The following CFAP61 variants were observed in gnomAD, a reference collection of about 807,000 sequenced individuals.
The protein encoded by CFAP61 is cilia and flagella associated protein 61, also known as cilia- and flagella-associated protein 61.
CFAP61 carries 107 observed loss-of-function variants against 135.6 expected under a neutral mutation model. The ratio of observed to expected loss-of-function variants is 0.79; its 90% CI spans 0.67 to 0.93. The LOEUF (loss-of-function observed/expected upper bound fraction) is 0.93. Among genes scored for constraint, CFAP61 ranks in the 40% least tolerant of loss-of-function variants. CFAP61 has a pLI of 0.00. For missense variants in CFAP61, 1,507 were observed against 1,556.2 expected (o/e 0.97, Z 0.53); for synonymous variants, 575 against 578.5 (o/e 0.99, Z 0.09).
At chr20:20,175,763 C>A (rs1350793985) in intron 13 of CFAP61, among the ~76,000 whole-genome samples, 1 of 151,984 alleles carries the variant, frequency 6.6e-6, no homozygotes, top group Non-Finnish European at 1.5e-5. Flanking sequence ...AATCTCCTGA[C>A]CTCATGATCC....
intron 25 of CFAP61, among the ~76,000 whole-genome samples, chr20:20,333,521 A>C (rs6046801): frequency 0.29 from 44,630 of 152,116 alleles, 6,874 homozygotes; most frequent in South Asian, 0.41. Context: ...TTGTTTAGTC[A>C]ACTTGCATCC....
At chr20:20,125,274 G>C (rs551641913) in intron 8 of CFAP61, among the ~76,000 whole-genome samples, 1 of 151,506 alleles carries the variant, frequency 6.6e-6, no homozygotes, top group Non-Finnish European at 1.5e-5. Context: ...GGTTTGGTTT[G>C]TTCTTCTTTC....
At chr20:20,183,143 T>G (rs994638599) in intron 13 of CFAP61, among the ~76,000 whole-genome samples, 3 of 95,908 alleles carry the variant, frequency 3.1e-5, no homozygotes, top group Non-Finnish European at 4.6e-5. Flanking sequence ...TTCTGATTTT[T>G]TTTTCTTTTC....
At chr20:20,254,772 T>C (rs1330940194) in intron 20 of CFAP61, among the ~76,000 whole-genome samples, 1 of 152,212 alleles carries the variant, frequency 6.6e-6, no homozygotes, top group Non-Finnish European at 1.5e-5. Context: ...CTCTATAAAA[T>C]GTAATGACAA....
chr20:20,172,152 T>G (rs2054270106), intron 13 of CFAP61: 1 of 862,922 alleles, frequency 1.2e-6, no homozygotes, highest in African/African-American at 1.8e-5. Flanking sequence ...ATGGGAACAT[T>G]ATATCTAGTT....
intron 12 of CFAP61, among the ~76,000 whole-genome samples, chr20:20,169,052 G>GA (rs11480430): frequency 6.6e-6 from 1 of 151,028 alleles, no homozygotes; most frequent in Non-Finnish European, 1.5e-5. Flanking sequence ...TACTTCCACA[G>GA]AAGAGTTATG....
At chr20:20,152,038 G>A (rs1043514040) in intron 9 of CFAP61, among the ~76,000 whole-genome samples, 2 of 152,020 alleles carry the variant, frequency 1.3e-5, no homozygotes, top group African/African-American at 4.8e-5. Flanking sequence ...AACACTACAA[G>A]CCAGAAGGGA....
chr20:20,127,940 G>T (rs1256952860), intron 8 of CFAP61, among the ~76,000 whole-genome samples: 1 of 151,502 alleles, frequency 6.6e-6, no homozygotes, highest in African/African-American at 2.4e-5. Context: ...GGCTGCCTCT[G>T]GTGAGTCATG....
At chr20:20,085,376 T>C in intron 6 of CFAP61, 2 of 1,339,556 alleles carry the variant, frequency 1.5e-6, no homozygotes, top group Non-Finnish European at 2.0e-6. Flanking sequence ...TCATTAGCAC[T>C]CGGGCTGATG....
intron 21 of CFAP61, among the ~76,000 whole-genome samples, chr20:20,274,477 A>G (rs1359887634): frequency 3.9e-5 from 6 of 152,190 alleles, no homozygotes. Flanking sequence ...CTTGGTGAAC[A>G]TGTCAAAACT....
intron 21 of CFAP61, among the ~76,000 whole-genome samples, chr20:20,275,357 C>T (rs958723761): frequency 8.5e-5 from 13 of 152,176 alleles, no homozygotes; most frequent in Admixed American, 2.6e-4. Flanking sequence ...TTAAGATAAC[C>T]GAAGTCTCAT....
chr20:20,230,819 G>A (rs888993544), intron 18 of CFAP61, among the ~76,000 whole-genome samples: 4 of 152,180 alleles, frequency 2.6e-5, no homozygotes, highest in African/African-American at 7.2e-5. Flanking sequence ...GCCTCCCAAA[G>A]TGCTAGGATT....
At chr20:20,205,741 C>A (rs548810984) in intron 17 of CFAP61, among the ~76,000 whole-genome samples, 9 of 152,300 alleles carry the variant, frequency 5.9e-5, no homozygotes, top group African/African-American at 2.2e-4. Flanking sequence ...TTTTGGACAC[C>A]TGCTGATTCA....
chr20:20,181,212 TAC>T (rs1431640820), intron 13 of CFAP61, among the ~76,000 whole-genome samples: 16 of 133,788 alleles, frequency 1.2e-4, no homozygotes, highest in African/African-American at 3.0e-4. Context: ...TATGTATATA[TAC>T]ATATGTGTAT....
intron 8 of CFAP61, among the ~76,000 whole-genome samples, chr20:20,141,557 ACT>A (rs1396888785): frequency 2.0e-5 from 3 of 152,040 alleles, no homozygotes; most frequent in Middle Eastern, 3.4e-3. Context: ...CTAGAATGTG[ACT>A]CTCTGTCTCA....
chr20:20,234,355 C>G (rs1230068113), intron 18 of CFAP61, among the ~76,000 whole-genome samples: 1 of 152,032 alleles, frequency 6.6e-6, no homozygotes, highest in African/African-American at 2.4e-5. Flanking sequence ...CCCTTATGGT[C>G]CCTTAGTTTG....
In CFAP61 at chr20:20,251,649, TGTC is replaced by T; in HGVS notation, c.2217_2219del (p.Val741del). On this transcript the variant is annotated inframe_deletion, in exon 20 of 27. Transcript: ENST00000245957. ...TGATGTCACTGTGCTCCTGGGTTAA[TGTC>T]GTGGTGGGTAGAATGACCGGCATAG... is the stretch of plus-strand genomic sequence containing the variant. 1 of 1,614,246 alleles carries T rather than the reference TGTC, an allele frequency of 6.2e-7. No individual in the cohort carries two copies. The highest frequency in any genetic ancestry group is 8.5e-7 in the Non-Finnish European group (1 of 1,180,038).
At chr20:20,074,114 G>T (rs900090198) in intron 3 of CFAP61, among the ~76,000 whole-genome samples, 188 bp from the exon 4 acceptor site, 5 of 152,206 alleles carry the variant, frequency 3.3e-5, no homozygotes, top group Non-Finnish European at 7.3e-5. Flanking sequence ...AGGACAGAAG[G>T]CGGCAAACGG....
At chr20:20,054,015 T>G (rs796396727) in intron 1 of CFAP61, among the ~76,000 whole-genome samples, 45 of 105,662 alleles carry the variant, frequency 4.3e-4, no homozygotes, top group East Asian at 2.6e-3. Flanking sequence ...TTTTGTTTGT[T>G]TTTTTTTTTT....
Sources: allele counts gnomAD v4.1 joint callset (sites outside exome capture counted in the v4.1 genomes callset), GRCh38; gene constraint gnomAD v4.1.1; transcripts MANE v1.5; gene names NCBI Gene and HGNC (gene_info 2026-07-23, HGNC 2026-07-21).